ATRNL1: variants seen among roughly 807,000 people sequenced by gnomAD.
The protein encoded by ATRNL1 is attractin-like protein 1.
ATRNL1 carries 95 observed loss-of-function variants against 182.7 expected under a neutral mutation model. The ratio of observed to expected loss-of-function variants is 0.52; its 90% CI spans 0.44 to 0.62. ATRNL1 has a LOEUF of 0.62. Among genes scored for constraint, ATRNL1 ranks in the 20% least tolerant of loss-of-function variants. The pLI is 0.00. For missense variants in ATRNL1, 1,471 were observed against 1,679.5 expected (o/e 0.88, Z 2.17); for synonymous variants, 576 against 568.3 (o/e 1.01, Z -0.19).
rs201232801 is a variant in ATRNL1 at position 115,800,669 on chromosome 10, C to T, written c.3904-47208C>T. Among the ~76,000 whole-genome samples the T allele has an allele frequency of 1.3e-4, 20 of 152,168 alleles. No homozygotes were observed. The East Asian group carries it at 3.7e-3, about 28-fold the overall frequency. Reference sequence around the variant, plus strand: ...CGAAATGCATAGCTTGAAGCCCTAACCCCCAATGTGATGGTATTAAGAAGT... The same window carrying T: ...CGAAATGCATAGCTTGAAGCCCTAATCCCCAATGTGATGGTATTAAGAAGT... On this transcript the variant is annotated intron_variant, in intron 27 of 28. Coordinates refer to ENST00000355044, the MANE Select transcript of ATRNL1 (RefSeq NM_207303.4).
intron 15 of ATRNL1, among the ~76,000 whole-genome samples, chr10:115,286,757 A>G (rs949471951): frequency 1.4e-4 from 21 of 151,934 alleles, no homozygotes; most frequent in African/African-American, 5.1e-4. Context: ...CTCTGTATCT[A>G]TGGATTCTGC....
At chr10:115,619,711 T>C (rs1592957822) in intron 26 of ATRNL1, among the ~76,000 whole-genome samples, 1 of 152,370 alleles carries the variant, frequency 6.6e-6, no homozygotes, top group East Asian at 1.9e-4. Context: ...GAATATCCAT[T>C]GCCTAATTTA....
chr10:115,442,335 A>G (rs1245076109), intron 21 of ATRNL1, among the ~76,000 whole-genome samples: 1 of 123,838 alleles, frequency 8.1e-6, no homozygotes, highest in Non-Finnish European at 1.8e-5. Flanking sequence ...ACAATCAGGA[A>G]CTTTTTCACT....
chr10:115,525,951 G>C (rs146111999), intron 25 of ATRNL1, among the ~76,000 whole-genome samples: 1 of 151,796 alleles, frequency 6.6e-6, no homozygotes, highest in East Asian at 1.9e-4. Context: ...ATTTTCTTTC[G>C]TATCAGGCTC....
Position 115,772,597 on chromosome 10 carries a change from C to CTGTGTGTGTGTGTG in ATRNL1, c.3903+45264_3903+45277dup, listed in dbSNP as rs57939999. Among the ~76,000 whole-genome samples, 557 of 140,368 alleles carry CTGTGTGTGTGTGTG rather than the reference C, an allele frequency of 4.0e-3. 6 individuals are homozygous for CTGTGTGTGTGTGTG. Among genetic ancestry groups the CTGTGTGTGTGTGTG allele is most frequent in the South Asian group, 4.4e-3 (19 of 4,306 alleles). 92.1% of individuals were successfully genotyped at this position (140,368 alleles called of 152,430 possible). A position where few individuals can be genotyped will look rare whatever the true frequency, so the allele number is the denominator to read the frequency against. On this transcript the variant is annotated intron_variant, in intron 27 of 28. Transcript: ENST00000355044. ...TAAATATACAAAATATATACTCTGT[C>CTGTGTGTGTGTGTG]TGTGTGTGTGTGTGTGTGTGTGTGT...
At chr10:115,433,683 C>A (rs369261486) in intron 21 of ATRNL1, among the ~76,000 whole-genome samples, 21 of 151,192 alleles carry the variant, frequency 1.4e-4, no homozygotes, top group African/African-American at 4.9e-4. Context: ...TTAGCATAGT[C>A]CAAAATGATG....
intron 5 of ATRNL1, among the ~76,000 whole-genome samples, chr10:115,155,863 G>A (rs2143951794): frequency 6.6e-6 from 1 of 152,240 alleles, no homozygotes; most frequent in Middle Eastern, 3.4e-3. Context: ...TATTGCAGTA[G>A]TCCAGTTGAG....
chr10:115,329,642 ATC>A (rs2134059690), intron 18 of ATRNL1, among the ~76,000 whole-genome samples: 1 of 152,140 alleles, frequency 6.6e-6, no homozygotes, highest in East Asian at 1.9e-4. Flanking sequence ...GACCTCATTT[ATC>A]TCTTTTTATA....
At chr10:115,400,173 A>T (rs1844497622) in intron 20 of ATRNL1, among the ~76,000 whole-genome samples, 1 of 152,108 alleles carries the variant, frequency 6.6e-6, no homozygotes, top group Admixed American at 6.6e-5. Flanking sequence ...TCATATGAAA[A>T]AAGTTCTACA....
chr10:115,132,265 A>AT (rs1195281040), intron 5 of ATRNL1, among the ~76,000 whole-genome samples: 9 of 152,074 alleles, frequency 5.9e-5, no homozygotes, highest in South Asian at 2.1e-4. Context: ...TGAACTCATC[A>AT]TTTTTTATGG....
At chr10:115,245,937 G>C (rs1850618450) in intron 10 of ATRNL1, among the ~76,000 whole-genome samples, 1 of 152,052 alleles carries the variant, frequency 6.6e-6, no homozygotes, top group African/African-American at 2.4e-5. Context: ...TTAGCCAACT[G>C]TCGACTGTTT....
At chr10:115,661,092 C>T (rs1333227696) in intron 26 of ATRNL1, among the ~76,000 whole-genome samples, 2 of 151,832 alleles carry the variant, frequency 1.3e-5, no homozygotes, top group Admixed American at 6.6e-5. Context: ...TTTTTTGTAT[C>T]CTCAGCATCT....
intron 9 of ATRNL1, among the ~76,000 whole-genome samples, chr10:115,237,560 C>T (rs1850239827): frequency 6.6e-6 from 1 of 152,122 alleles, no homozygotes; most frequent in African/African-American, 2.4e-5. Context: ...AGATCTTTTG[C>T]CTTTTTTAAA....
intron 13 of ATRNL1, among the ~76,000 whole-genome samples, chr10:115,280,430 G>A (rs1390940768): frequency 2.0e-5 from 3 of 152,196 alleles, no homozygotes; most frequent in Non-Finnish European, 4.4e-5. Flanking sequence ...GTTTCATGGT[G>A]ACTAAGGAAA....
intron 27 of ATRNL1, among the ~76,000 whole-genome samples, chr10:115,781,807 C>T (rs1447186505): frequency 6.6e-6 from 1 of 152,058 alleles, no homozygotes; most frequent in Non-Finnish European, 1.5e-5. Context: ...TTATAGTTTT[C>T]TGTATAAGCT....
At chr10:115,880,924 A>C (rs1589642827) in intron 28 of ATRNL1, among the ~76,000 whole-genome samples, 2 of 152,190 alleles carry the variant, frequency 1.3e-5, no homozygotes, top group African/African-American at 4.8e-5. Context: ...CAAAAAGAAC[A>C]AGCTCTGAAT....
At chr10:115,238,155 C>T (rs1850264501) in intron 9 of ATRNL1, among the ~76,000 whole-genome samples, 1 of 152,098 alleles carries the variant, frequency 6.6e-6, no homozygotes. Flanking sequence ...TATAGTAAGT[C>T]CCAAAGCCAG....
At chr10:115,889,330 GT>G (rs1380090878) in intron 28 of ATRNL1, among the ~76,000 whole-genome samples, 1 of 98,306 alleles carries the variant, frequency 1.0e-5, no homozygotes, top group African/African-American at 4.1e-5. Flanking sequence ...CCCAAAGTCA[GT>G]TTTTTGGGGT....
chr10:115,279,857 A>G (rs923499322), intron 13 of ATRNL1, among the ~76,000 whole-genome samples: 1 of 152,202 alleles, frequency 6.6e-6, no homozygotes, highest in Non-Finnish European at 1.5e-5. Context: ...TTATTGAGAC[A>G]TGGAGTTGCT....
Sources: allele counts gnomAD v4.1 joint callset (sites outside exome capture counted in the v4.1 genomes callset), GRCh38; gene constraint gnomAD v4.1.1; transcripts MANE v1.5; gene names NCBI Gene and HGNC (gene_info 2026-07-23, HGNC 2026-07-21).